PCLO: variants seen among roughly 807,000 people sequenced by gnomAD.
The protein encoded by PCLO is protein piccolo.
PCLO carries 82 observed loss-of-function variants against 427.5 expected under a neutral mutation model. That is an observed-to-expected ratio of 0.19 (90% CI 0.16 to 0.23). The LOEUF is 0.23. Ranked by LOEUF, PCLO falls within the 10% of genes least tolerant of loss-of-function variation. PCLO has a pLI of 1.00. For missense variants in PCLO, 6,239 were observed against 6,115.9 expected, an observed-to-expected ratio of 1.02 and a Z score of -0.67; for synonymous variants, 2,357 against 2,155.4, an observed-to-expected ratio of 1.09 and a Z score of -2.59.
intron 3 of PCLO, among the ~76,000 whole-genome samples, chr7:83,093,409 C>T (rs1327496640): frequency 2.0e-5 from 3 of 148,702 alleles, no homozygotes; most frequent in Non-Finnish European, 3.0e-5. Context: ...GAATCTATTA[C>T]ACTTGCCTTA....
chr7:83,050,218 A>AC (rs1479172268), intron 3 of PCLO, among the ~76,000 whole-genome samples: 2 of 113,020 alleles, frequency 1.8e-5, no homozygotes, highest in Non-Finnish European at 3.6e-5. Flanking sequence ...GAAAAAAAAA[A>AC]AAAAAAAAAA....
intron 6 of PCLO, among the ~76,000 whole-genome samples, chr7:82,935,242 T>C: frequency 7.2e-6 from 1 of 138,176 alleles, no homozygotes; most frequent in East Asian, 2.1e-4. Flanking sequence ...CACTCAGACA[T>C]ACAAATTTAA....
intron 2 of PCLO, among the ~76,000 whole-genome samples, chr7:83,154,291 G>A (rs1027322559): frequency 3.3e-5 from 5 of 152,112 alleles, no homozygotes; most frequent in Admixed American, 6.6e-5. Context: ...AAAGGGATGT[G>A]GAGATTAAAA....
chr7:83,054,136 A>C (rs1310576584), intron 3 of PCLO, among the ~76,000 whole-genome samples: 1 of 152,180 alleles, frequency 6.6e-6, no homozygotes, highest in Admixed American at 6.5e-5. Flanking sequence ...TGATTCAGAA[A>C]GTATATAAAA....
chr7:82,857,554 AT>A (rs761350969), intron 10 of PCLO, among the ~76,000 whole-genome samples: 31 of 152,250 alleles, frequency 2.0e-4, no homozygotes, highest in Non-Finnish European at 4.1e-4. Flanking sequence ...CAAAATCATC[AT>A]CACTGCCACC....
At chr7:82,790,373 T>C (rs970492570) in intron 22 of PCLO, among the ~76,000 whole-genome samples, 2 of 152,212 alleles carry the variant, frequency 1.3e-5, no homozygotes, top group African/African-American at 4.8e-5. Flanking sequence ...AGCGCAGAAC[T>C]ATGCTACAGT....
At chr7:82,784,126 A>T (rs1413063671) in intron 22 of PCLO, among the ~76,000 whole-genome samples, 1 of 152,144 alleles carries the variant, frequency 6.6e-6, no homozygotes, top group Non-Finnish European at 1.5e-5. Flanking sequence ...TCAGAAGAGT[A>T]ATTAGGATCA....
intron 3 of PCLO, among the ~76,000 whole-genome samples, chr7:82,971,986 T>A (rs1475503467): frequency 1.3e-5 from 2 of 151,780 alleles, no homozygotes; most frequent in African/African-American, 4.8e-5. Flanking sequence ...TATGTTATCA[T>A]TAAATATAAA....
At chr7:82,993,146 T>C (rs1796415771) in intron 3 of PCLO, among the ~76,000 whole-genome samples, 1 of 152,056 alleles carries the variant, frequency 6.6e-6, no homozygotes, top group Non-Finnish European at 1.5e-5. Flanking sequence ...ATTGTACCTT[T>C]ATAATTCTAT....
Position 83,097,843 on chromosome 7 carries a change from A to T in PCLO, c.3300+36407T>A, listed in dbSNP as rs887936258. ...TAAAAACTTTTTAGCTGAATAAGAA[A>T]CGTTGAACATCTTCACTATACATAC... On this transcript the variant is annotated intron_variant, in intron 3 of 24. Coordinates refer to ENST00000333891, the MANE Select transcript of PCLO (RefSeq NM_033026.6). Among the ~76,000 whole-genome samples, 6 of 152,046 alleles carry T rather than the reference A, an allele frequency of 3.9e-5. No individual in the cohort carries two copies. The East Asian group carries it at 1.2e-3, about 29-fold the overall frequency.
intron 9 of PCLO, among the ~76,000 whole-genome samples, chr7:82,888,097 A>T (rs140652810): frequency 1.1e-3 from 160 of 152,128 alleles, no homozygotes; most frequent in African/African-American, 3.8e-3. Context: ...AAAGAAAGAA[A>T]ATGAATACTA....
At chr7:82,880,676 T>C (rs1391847123) in intron 9 of PCLO, among the ~76,000 whole-genome samples, 8 of 152,168 alleles carry the variant, frequency 5.3e-5, no homozygotes, top group African/African-American at 1.9e-4. Flanking sequence ...TTGCTAAACA[T>C]CCTACAATGC....
In PCLO at chr7:83,162,665, G is replaced by A. The variant is rs1050001194; in HGVS notation, c.-73C>T. 8.2e-6 allele frequency: 12 copies of A among 1,461,532 alleles called. No individual in the cohort carries two copies. Among genetic ancestry groups the A allele is most frequent in the South Asian group, 1.4e-5 (1 of 71,016 alleles). The allele number at this position is 1,461,532 out of a possible 1,614,324, so 90.5% of individuals were successfully genotyped here. On this transcript the variant is annotated 5_prime_UTR_variant, in exon 1 of 25. Coordinates refer to ENST00000333891, the MANE Select transcript of PCLO (RefSeq NM_033026.6). ...CCAGTCGAGAAGCCCGCGGCCAGGG[G>A]AGCAGTCAGAGCCGGGGTCCGCCTC...
chr7:83,133,736 T>C (rs1414972536), intron 3 of PCLO, among the ~76,000 whole-genome samples: 1 of 152,054 alleles, frequency 6.6e-6, no homozygotes, highest in Non-Finnish European at 1.5e-5. Flanking sequence ...CACAAAGTTC[T>C]TAACAGTTTT....
At position 82,821,780 on chromosome 7, in the gene PCLO, T is replaced by C. The variant is rs1421045989; in HGVS notation, c.14791+715A>G. On this transcript the variant is annotated intron_variant, in intron 20 of 24. Coordinates refer to ENST00000333891, the MANE Select transcript of PCLO (RefSeq NM_033026.6). ...TGTGATCCAACAGAATGGACCCAAT[T>C]GTGCTCCTCAGTGAGGTTGCATTGC... 9.2e-6 allele frequency: 9 copies of C among 982,568 alleles called. No individual in the cohort carries two copies. The African/African-American group carries it at 1.2e-4, about 13-fold the overall frequency. The allele number at this position is 982,568 out of a possible 1,614,324, so 60.9% of individuals were successfully genotyped here.
intron 3 of PCLO, among the ~76,000 whole-genome samples, chr7:83,075,235 G>A (rs1789921815): frequency 6.6e-6 from 1 of 152,088 alleles, no homozygotes; most frequent in Non-Finnish European, 1.5e-5. Flanking sequence ...GACATTTTAT[G>A]GAATAGAAGA....
chr7:83,055,421 C>A (rs1047200836), intron 3 of PCLO, among the ~76,000 whole-genome samples: 3 of 152,042 alleles, frequency 2.0e-5, no homozygotes, highest in African/African-American at 7.2e-5. Flanking sequence ...ACTAAGGGAG[C>A]CTTATGAAGA....
At position 82,951,383 on chromosome 7, in the gene PCLO, T is replaced by A; in HGVS notation, c.9205A>T (p.Thr3069Ser). ...CAATACTGGGGTCCTGGTGGTGGTGTCATTCTTGCTGTGGAATACTGTGGG... is the reference window on the plus strand; with the variant it reads ...CAATACTGGGGTCCTGGTGGTGGTGACATTCTTGCTGTGGAATACTGTGGG... ...STPQYSTARM[T>S]PPPGPQYCVG... The change falls in exon 6 of 25, where the codon ACA (threonine) becomes TCA (serine). Residue 3069 changes from threonine (T) to serine (S), a missense_variant. By Grantham distance (58) the Thr-to-Ser change is moderately conservative. Around this residue, in one of 5 missense-constraint regions of PCLO, gnomAD observed 4,677 missense variants for 4,468.4 expected, o/e 1.05. Transcript: ENST00000333891. 1 of 1,603,260 alleles carries A rather than the reference T, an allele frequency of 6.2e-7. No individual in the cohort carries two copies. Among genetic ancestry groups the A allele is most frequent in the Non-Finnish European group, 8.5e-7 (1 of 1,174,478 alleles).
intron 6 of PCLO, among the ~76,000 whole-genome samples, chr7:82,932,562 T>A (rs957674836): frequency 6.6e-6 from 1 of 152,088 alleles, no homozygotes; most frequent in South Asian, 2.1e-4. Context: ...TCAGAGGGCA[T>A]TTGTGGGAAT....
Sources: gnomAD v4.1 joint callset for allele counts (sites outside exome capture counted in the v4.1 genomes callset) on GRCh38, gnomAD v4.1.1 for gene constraint, gnomAD v4.1.1 regional missense constraint, MANE v1.5 for transcripts, NCBI Gene and HGNC (gene_info 2026-07-23, HGNC 2026-07-21) for gene names.